The following CFAP20DC variants were observed in gnomAD, a reference collection of about 807,000 sequenced individuals.
CFAP20DC encodes the protein CFAP20 domain containing.
CFAP20DC carries 84 observed loss-of-function variants against 101.7 expected under a neutral mutation model. The observed-to-expected ratio is 0.83, with a 90% CI of 0.69 to 0.99. The LOEUF is 0.99. Ranked by LOEUF, CFAP20DC falls within the 50% of genes least tolerant of loss-of-function variation. The pLI is 0.00. For missense variants in CFAP20DC, 1,007 were observed against 970.3 expected (o/e 1.04, Z -0.50); for synonymous variants, 359 against 351.2 (o/e 1.02, Z -0.25).
chr3:58,823,479 T>TA lies in CFAP20DC; in HGVS notation c.2175+8206dup, dbSNP rs113270103. Among the ~76,000 whole-genome samples, 1,189 of 152,288 alleles carry TA rather than the reference T, an allele frequency of 7.8e-3. 14 individuals carry two copies. The highest frequency in any genetic ancestry group is 0.028 in the African/African-American group (1,154 of 41,562). On this transcript the variant is annotated intron_variant, in intron 14 of 16. Transcript: ENST00000482387. ...CGGCGATTGACATTTATTGAGTACT[T>TA]ATGCTAATTCTTGGTAGATATGATC... is the stretch of plus-strand genomic sequence containing the variant.
chr3:58,763,765 C>T (rs1289262458), intron 15 of CFAP20DC, among the ~76,000 whole-genome samples: 3 of 152,118 alleles, frequency 2.0e-5, no homozygotes, highest in Non-Finnish European at 4.4e-5. Flanking sequence ...CAGTCAGGAC[C>T]CTCAGCTGCA....
chr3:58,815,680 C>G (rs1283145348), intron 14 of CFAP20DC, among the ~76,000 whole-genome samples: 2 of 151,192 alleles, frequency 1.3e-5, no homozygotes, highest in Non-Finnish European at 3.0e-5. Flanking sequence ...ACAAACAACC[C>G]CATCAAAAAG....
At chr3:58,824,749 T>C (rs1329783328) in intron 14 of CFAP20DC, among the ~76,000 whole-genome samples, 1 of 152,140 alleles carries the variant, frequency 6.6e-6, no homozygotes, top group Non-Finnish European at 1.5e-5. Flanking sequence ...ACATGCCATG[T>C]TGATGGATGC....
intron 4 of CFAP20DC, among the ~76,000 whole-genome samples, chr3:59,010,803 A>C (rs1283657844): frequency 6.6e-6 from 1 of 152,226 alleles, no homozygotes; most frequent in African/African-American, 2.4e-5. Context: ...AACACCATAT[A>C]ATAGGCCAAA....
At chr3:58,765,142 T>C (rs2070149870) in intron 15 of CFAP20DC, among the ~76,000 whole-genome samples, 1 of 152,090 alleles carries the variant, frequency 6.6e-6, no homozygotes, top group African/African-American at 2.4e-5. Context: ...GAAGACAATG[T>C]CCTCAGTTAA....
At chr3:58,758,809 T>C (rs954230039) in intron 15 of CFAP20DC, among the ~76,000 whole-genome samples, 6 of 152,096 alleles carry the variant, frequency 3.9e-5, no homozygotes, top group Non-Finnish European at 7.3e-5. Context: ...GACCTTGCGA[T>C]AGTTTGCTGA....
At chr3:58,790,996 C>T (rs1408069592) in intron 15 of CFAP20DC, among the ~76,000 whole-genome samples, 1 of 152,078 alleles carries the variant, frequency 6.6e-6, no homozygotes, top group Non-Finnish European at 1.5e-5. Flanking sequence ...TGGGAAGAAG[C>T]TATAGAGAAG....
Position 58,861,786 on chromosome 3 carries a change from C to T in CFAP20DC, c.1593+1772G>A. 2.0e-6 allele frequency: 2 copies of T among 985,432 alleles called. No individual in the cohort carries two copies. The highest frequency in any genetic ancestry group is 2.4e-6 in the Non-Finnish European group (2 of 829,952). 61.0% of individuals were successfully genotyped at this position (985,432 alleles called of 1,614,324 possible). On this transcript the variant is annotated intron_variant, in intron 12 of 16. Coordinates refer to ENST00000482387, the MANE Select transcript of CFAP20DC (RefSeq NM_001394063.1). The surrounding 1 kb of genome is among the most constrained non-coding windows in gnomAD (Gnocchi z 4.0). ...GGCAATGGGATGGTCTCACCACAGA[C>T]TCTAGCCGTATGCTACTGGTCACCT... is the stretch of plus-strand genomic sequence containing the variant.
intron 3 of CFAP20DC, among the ~76,000 whole-genome samples, chr3:58,720,519 G>T (rs1413540337): frequency 6.6e-6 from 1 of 152,164 alleles, no homozygotes; most frequent in Admixed American, 6.5e-5. Flanking sequence ...CTTTTAGTCT[G>T]CTGGGTGGAA....
chr3:58,885,173 G>T (rs1457191371), intron 6 of CFAP20DC, among the ~76,000 whole-genome samples: 2 of 152,022 alleles, frequency 1.3e-5, no homozygotes, highest in Non-Finnish European at 2.9e-5. Flanking sequence ...AATAATTTTA[G>T]ACTTTTAGAA....
intron 3 of CFAP20DC, among the ~76,000 whole-genome samples, chr3:58,719,703 A>G (rs1016446652): frequency 6.6e-6 from 1 of 152,234 alleles, no homozygotes; most frequent in Non-Finnish European, 1.5e-5. Flanking sequence ...AAGGGGAAAC[A>G]GTGGTTTGGC....
chr3:58,979,003 T>C (rs530825396), intron 4 of CFAP20DC, among the ~76,000 whole-genome samples: 47 of 152,322 alleles, frequency 3.1e-4, no homozygotes, highest in African/African-American at 1.1e-3. Context: ...ATCCCAGTGA[T>C]AGTGGTGATG....
intron 1 of CFAP20DC, among the ~76,000 whole-genome samples, chr3:59,048,994 TAGTTAAAA>T (rs1700100231): frequency 6.6e-6 from 1 of 152,134 alleles, no homozygotes; most frequent in South Asian, 2.1e-4. Flanking sequence ...TTGGGGGAAC[TAGTTAAAA>T]AGCTTAATCA....
At chr3:58,952,536 C>G (rs2090231775) in intron 4 of CFAP20DC, among the ~76,000 whole-genome samples, 1 of 152,084 alleles carries the variant, frequency 6.6e-6, no homozygotes, top group Admixed American at 6.6e-5. Flanking sequence ...GGAATTCTGG[C>G]CTTTAATTTT....
chr3:58,833,092 C>T (rs962456706), intron 13 of CFAP20DC, among the ~76,000 whole-genome samples: 40 of 152,112 alleles, frequency 2.6e-4, no homozygotes, highest in African/African-American at 8.9e-4. Context: ...TTTAAAAATA[C>T]ATAATTTTGA....
rs1319387588 is a variant in CFAP20DC, at chr3:59,007,433, C to T, written c.278+32124G>A. 6.6e-6 allele frequency among the ~76,000 whole-genome samples: 1 copy of T among 152,208 alleles called. No individual in the cohort carries two copies. The highest frequency in any genetic ancestry group is 1.5e-5 in the Non-Finnish European group (1 of 68,040). ...CCTCCTGGCTGGAGGCCAACCAACT[C>T]AAGCCATTACAGCAACTCATGACAG... On this transcript the variant is annotated intron_variant, in intron 4 of 16. Coordinates refer to ENST00000482387, the MANE Select transcript of CFAP20DC (RefSeq NM_001394063.1). This position sits in a 1 kb window ranked among gnomAD's most constrained non-coding sequence, Gnocchi z 4.4.
At chr3:58,917,392 G>T (rs2084852562) in intron 5 of CFAP20DC, among the ~76,000 whole-genome samples, 1 of 152,068 alleles carries the variant, frequency 6.6e-6, no homozygotes. Context: ...CTATAGAAAA[G>T]ATCTCAAGAA....
intron 4 of CFAP20DC, among the ~76,000 whole-genome samples, chr3:58,951,401 T>C (rs1442312608): frequency 6.6e-6 from 1 of 152,198 alleles, no homozygotes; most frequent in Admixed American, 6.5e-5. Flanking sequence ...GCCATCCCAT[T>C]ACTGGGTATA....
intron 16 of CFAP20DC, 34 bp downstream of exon 16, chr3:58,753,735 A>G: frequency 7.6e-7 from 1 of 1,317,702 alleles, no homozygotes; most frequent in East Asian, 2.3e-5. Flanking sequence ...AATTATTTTT[A>G]TTTTCTTATG....
Sources: gnomAD v4.1 joint callset for allele counts (sites outside exome capture counted in the v4.1 genomes callset) on GRCh38, gnomAD v4.1.1 for gene constraint, Gnocchi (gnomAD v3.1) non-coding constraint, MANE v1.5 for transcripts, NCBI Gene and HGNC (gene_info 2026-07-23, HGNC 2026-07-21) for gene names.